ADAMTS19: variants seen among roughly 807,000 people sequenced by gnomAD.
ADAMTS19 encodes A disintegrin and metalloproteinase with thrombospondin motifs 19.
ADAMTS19 carries 93 observed loss-of-function variants against 153.3 expected under a neutral mutation model. The ratio of observed to expected loss-of-function variants is 0.61; its 90% confidence interval spans 0.51 to 0.72. ADAMTS19 has a LOEUF of 0.72. Ranked by LOEUF, ADAMTS19 falls within the 30% of genes least tolerant of loss-of-function variation. The pLI is 0.00. For missense variants in ADAMTS19, 1,482 were observed against 1,552.1 expected (o/e 0.95, Z 0.76); for synonymous variants, 600 against 556.6 (o/e 1.08, Z -1.10).
chr5:129,557,214 A>T (rs988248391), intron 7 of ADAMTS19, among the ~76,000 whole-genome samples: 61 of 152,308 alleles, frequency 4.0e-4, no homozygotes, highest in African/African-American at 1.4e-3. Flanking sequence ...AAACATGATT[A>T]ATTATAGTTA....
chr5:129,543,054 T>G (rs796659370), intron 6 of ADAMTS19, among the ~76,000 whole-genome samples: 2 of 151,320 alleles, frequency 1.3e-5, no homozygotes, highest in Admixed American at 1.3e-4. Flanking sequence ...TTTTGTTTTT[T>G]TTTTTTTAAT....
In ADAMTS19 at chr5:129,640,825, CT is replaced by C. The variant is rs537713611; in HGVS notation, c.1771-1024del. ...CACTACAGATTTAATACTCAACTTA[CT>C]TTTTTTTTTCTTTTTTGAGACAGAG... On this transcript the variant is annotated intron_variant, in intron 10 of 22. Transcript: ENST00000274487. Among the ~76,000 whole-genome samples, 61 of 149,956 alleles carry C rather than the reference CT, an allele frequency of 4.1e-4. No homozygotes were observed. In the South Asian group the frequency reaches 4.8e-3, roughly 12 times the overall value.
chr5:129,509,291 T>C (rs1201816755), intron 3 of ADAMTS19, 49 bp downstream of exon 3: 5 of 1,523,762 alleles, frequency 3.3e-6, no homozygotes. Flanking sequence ...CAATGTGAGA[T>C]GACTACTTTA....
At chr5:129,622,890 GTTGTA>G (rs1206115283) in intron 10 of ADAMTS19, among the ~76,000 whole-genome samples, 4 of 151,844 alleles carry the variant, frequency 2.6e-5, no homozygotes, top group African/African-American at 7.3e-5. Flanking sequence ...TATTTATATT[GTTGTA>G]TTGTTCTTTT....
intron 8 of ADAMTS19, among the ~76,000 whole-genome samples, chr5:129,608,082 TTATATA>T (rs374653751): frequency 2.8e-4 from 14 of 49,950 alleles, no homozygotes; most frequent in South Asian, 5.7e-4. Flanking sequence ...AATTGGAATT[TTATATA>T]TATGTGTGTG....
intron 20 of ADAMTS19, 97 bp from the exon 21 acceptor site, chr5:129,704,142 C>T: frequency 7.7e-7 from 1 of 1,296,604 alleles, no homozygotes. Flanking sequence ...GGGTGATGGG[C>T]TCATAACAGA....
At chr5:129,591,631 C>T (rs1169607085) in intron 7 of ADAMTS19, among the ~76,000 whole-genome samples, 1 of 151,958 alleles carries the variant, frequency 6.6e-6, no homozygotes, top group Admixed American at 6.6e-5. Flanking sequence ...CATTTTTGCA[C>T]CTTCACTGCT....
chr5:129,732,101 A>G (rs2862755), intron 21 of ADAMTS19, among the ~76,000 whole-genome samples: 1,604 of 152,276 alleles, frequency 0.011, 29 homozygotes, highest in African/African-American at 0.036. Context: ...AAATTGTTAC[A>G]CATCAAATAT....
intron 2 of ADAMTS19, among the ~76,000 whole-genome samples, chr5:129,483,158 A>G (rs373460508): frequency 6.6e-6 from 1 of 152,178 alleles, no homozygotes; most frequent in Admixed American, 6.6e-5. Flanking sequence ...TTAAACAGCC[A>G]TATAATAATC....
chr5:129,531,707 A>G (rs1752213187), intron 6 of ADAMTS19, among the ~76,000 whole-genome samples: 1 of 152,102 alleles, frequency 6.6e-6, no homozygotes, highest in Non-Finnish European at 1.5e-5. Context: ...ATATATATGT[A>G]TGTATATGAA....
chr5:129,610,999 G>A (rs1217489430), intron 8 of ADAMTS19, among the ~76,000 whole-genome samples: 4 of 152,106 alleles, frequency 2.6e-5, no homozygotes, highest in Non-Finnish European at 4.4e-5. Flanking sequence ...GTGTGAGATG[G>A]TATCTCATTG....
intron 19 of ADAMTS19, among the ~76,000 whole-genome samples, chr5:129,699,615 G>A (rs1755737700): frequency 6.6e-6 from 1 of 152,064 alleles, no homozygotes; most frequent in Admixed American, 6.6e-5. Context: ...AGTCGTGTGA[G>A]TGCTACAAGC....
At chr5:129,484,494 G>T (rs1750525422) in intron 2 of ADAMTS19, among the ~76,000 whole-genome samples, 1 of 152,000 alleles carries the variant, frequency 6.6e-6, no homozygotes, top group Non-Finnish European at 1.5e-5. Context: ...TTTAAAATTT[G>T]CACAAATTTA....
At position 129,527,796 on chromosome 5, in the gene ADAMTS19, C is replaced by T. The variant is rs368110412; in HGVS notation, c.1135C>T (p.Arg379Cys). The change falls in exon 5 of 23, where the codon CGT (arginine) becomes TGT (cysteine). Residue 379 changes from arginine (R) to cysteine (C), a missense_variant. Arg to Cys is a radical substitution (Grantham distance 180). Coordinates refer to ENST00000274487, the MANE Select transcript of ADAMTS19 (RefSeq NM_133638.6). The part of the protein sequence containing the change: ...HKSLSVQVNL[R>C]VIKLILLHET... ...GAGTCTGAGTGTGCAGGTCAATCTT[C>T]GTGTGATAAAGCTTATTCTGCTCCA... 48 of 1,601,134 alleles carry T rather than the reference C, an allele frequency of 3.0e-5. No homozygotes were observed. The highest frequency in any genetic ancestry group is 1.7e-4 in the Middle Eastern group (1 of 5,946).
intron 18 of ADAMTS19, among the ~76,000 whole-genome samples, chr5:129,688,638 T>C (rs1755197387): frequency 6.6e-6 from 1 of 152,212 alleles, no homozygotes; most frequent in South Asian, 2.1e-4. Context: ...TGATGAAGGC[T>C]GATCATCTCA....
Position 129,578,079 on chromosome 5 carries a change from C to CACACACACAT in ADAMTS19, c.1373-18479_1373-18478insCACACACATA, listed in dbSNP as rs1442337062. 2.8e-4 allele frequency among the ~76,000 whole-genome samples: 25 copies of CACACACACAT among 88,420 alleles called. 1 individual carries two copies. The highest frequency in any genetic ancestry group is 6.2e-4 in the Non-Finnish European group (22 of 35,284). The allele number at this position is 88,420 out of a possible 152,430, so 58.0% of individuals were successfully genotyped here. On this transcript the variant is annotated intron_variant, in intron 7 of 22. Transcript: ENST00000274487. Reference sequence around the variant, plus strand: ...ACACACACACACACACACACACACACATATATACATATACATACATATACA... The same window carrying CACACACACAT: ...ACACACACACACACACACACACACACACACACACATATATATACATATACATACATATACA...
At chr5:129,609,237 C>T (rs1458368773) in intron 8 of ADAMTS19, among the ~76,000 whole-genome samples, 1 of 152,148 alleles carries the variant, frequency 6.6e-6, no homozygotes, top group African/African-American at 2.4e-5. Flanking sequence ...AATTATTGTT[C>T]TGCCAGCTAC....
At chr5:129,522,346 T>C (rs1452313707) in intron 3 of ADAMTS19, among the ~76,000 whole-genome samples, 9 of 122,398 alleles carry the variant, frequency 7.4e-5, no homozygotes, top group Non-Finnish European at 1.2e-4. Flanking sequence ...TATATATATA[T>C]ATATATATAT....
At chr5:129,628,844 G>A (rs752753432) in intron 10 of ADAMTS19, among the ~76,000 whole-genome samples, 1 of 152,016 alleles carries the variant, frequency 6.6e-6, no homozygotes, top group Non-Finnish European at 1.5e-5. Flanking sequence ...TAGAAACAAT[G>A]GGATACACCA....
Sources: allele counts gnomAD v4.1 joint callset (sites outside exome capture counted in the v4.1 genomes callset), GRCh38; gene constraint gnomAD v4.1.1; transcripts MANE v1.5; gene names NCBI Gene and HGNC (gene_info 2026-07-23, HGNC 2026-07-21).